Variants in KIAA1549L observed in about 807,000 individuals in gnomAD.
KIAA1549L encodes KIAA1549 like.
Under a neutral mutation model 160.7 loss-of-function variants are expected in KIAA1549L, and 88 were observed. The ratio of observed to expected loss-of-function variants is 0.55; its 90% CI spans 0.46 to 0.65. KIAA1549L has a LOEUF of 0.65. KIAA1549L is among the 30% of genes least tolerant of loss of function. The pLI is 0.00. For missense variants in KIAA1549L, 2,258 were observed against 2,437.5 expected, an observed-to-expected ratio of 0.93 and a Z score of 1.55; for synonymous variants, 950 against 976.7, an observed-to-expected ratio of 0.97 and a Z score of 0.51.
At chr11:33,574,609 G>A in intron 9 of KIAA1549L, 93 bp from the exon 10 acceptor site, 1 of 1,226,360 alleles carries the variant, frequency 8.2e-7, no homozygotes. Flanking sequence ...GAAGTCTTCA[G>A]CAGTCAGGAG....
At chr11:33,509,303 G>A (rs568297367) in intron 1 of KIAA1549L, among the ~76,000 whole-genome samples, 1 of 152,218 alleles carries the variant, frequency 6.6e-6, no homozygotes, top group African/African-American at 2.4e-5. Context: ...TTTAATTTGT[G>A]CATTTTACCT....
intron 13 of KIAA1549L, among the ~76,000 whole-genome samples, chr11:33,600,825 C>T (rs766320069): frequency 6.6e-6 from 1 of 152,092 alleles, no homozygotes; most frequent in Non-Finnish European, 1.5e-5. Context: ...TTAAACTGTG[C>T]CATACAAAGC....
At chr11:33,384,508 C>T (rs1030894434) in intron 1 of KIAA1549L, among the ~76,000 whole-genome samples, 3 of 152,166 alleles carry the variant, frequency 2.0e-5, no homozygotes, top group African/African-American at 7.2e-5. Flanking sequence ...TTATAAGAAA[C>T]TGCCAAACTG....
chr11:33,409,526 G>A (rs1316508995), intron 1 of KIAA1549L, among the ~76,000 whole-genome samples: 5 of 152,128 alleles, frequency 3.3e-5, no homozygotes. Flanking sequence ...AGGCTTTAAT[G>A]TCACACACTG....
At chr11:33,534,486 T>G (rs543006757) in intron 1 of KIAA1549L, among the ~76,000 whole-genome samples, 6 of 152,224 alleles carry the variant, frequency 3.9e-5, no homozygotes, top group East Asian at 1.9e-4. Context: ...CATGGTTTTT[T>G]GGGGGAAAGG....
At chr11:33,394,566 C>T (rs192931435) in intron 1 of KIAA1549L, among the ~76,000 whole-genome samples, 1 of 152,256 alleles carries the variant, frequency 6.6e-6, no homozygotes, top group African/African-American at 2.4e-5. Context: ...TTCTGGATGG[C>T]CACACTTGGC....
At chr11:33,480,117 C>G (rs918305096) in intron 1 of KIAA1549L, among the ~76,000 whole-genome samples, 1 of 152,106 alleles carries the variant, frequency 6.6e-6, no homozygotes, top group African/African-American at 2.4e-5. Context: ...CAATACAGCT[C>G]ACCCGTTTAA....
At chr11:33,458,587 C>T (rs1851877104) in intron 1 of KIAA1549L, among the ~76,000 whole-genome samples, 1 of 152,198 alleles carries the variant, frequency 6.6e-6, no homozygotes, top group Non-Finnish European at 1.5e-5. Context: ...CAAAGCTGGC[C>T]TGTCTTACAG....
intron 8 of KIAA1549L, among the ~76,000 whole-genome samples, chr11:33,567,197 G>A (rs1310562574): frequency 2.0e-5 from 3 of 152,214 alleles, no homozygotes; most frequent in Non-Finnish European, 4.4e-5. Flanking sequence ...AAGCCTAGCG[G>A]TGGAAAAAGG....
At chr11:33,570,150 C>T (rs955246108) in intron 9 of KIAA1549L, among the ~76,000 whole-genome samples, 3 of 151,944 alleles carry the variant, frequency 2.0e-5, no homozygotes, top group Non-Finnish European at 4.4e-5. Context: ...ATTACAGGTG[C>T]GCACTGCCAT....
chr11:33,649,595 A>G (rs935291129), intron 17 of KIAA1549L, among the ~76,000 whole-genome samples: 3 of 151,282 alleles, frequency 2.0e-5, no homozygotes, highest in Non-Finnish European at 4.4e-5. Context: ...CTAGTAAGGG[A>G]GGCATCTCCA....
At chr11:33,569,988 TTCTCTC>T (rs778733363) in intron 9 of KIAA1549L, among the ~76,000 whole-genome samples, 1 of 140,452 alleles carries the variant, frequency 7.1e-6, no homozygotes, top group African/African-American at 2.6e-5. Context: ...GAGGTGTTCT[TTCTCTC>T]TCTCTCTCTC....
chr11:33,522,567 C>T (rs1215845832), intron 1 of KIAA1549L, among the ~76,000 whole-genome samples: 2 of 152,088 alleles, frequency 1.3e-5, no homozygotes, highest in African/African-American at 4.8e-5. Flanking sequence ...CTGATATTAA[C>T]ATCTTACCTA....
chr11:33,659,469 C>G (rs1852188202), intron 19 of KIAA1549L, among the ~76,000 whole-genome samples: 1 of 152,122 alleles, frequency 6.6e-6, no homozygotes, highest in Admixed American at 6.6e-5. Context: ...CTATGATAAG[C>G]CACAGTTTAG....
chr11:33,575,996 G>A (rs1855435336), intron 10 of KIAA1549L, among the ~76,000 whole-genome samples: 1 of 152,178 alleles, frequency 6.6e-6, no homozygotes, highest in African/African-American at 2.4e-5. Flanking sequence ...GGAGCAGACA[G>A]GAAGTGGCAG....
At chr11:33,430,004 G>GGCCT (rs1851197329) in intron 1 of KIAA1549L, among the ~76,000 whole-genome samples, 1 of 98,216 alleles carries the variant, frequency 1.0e-5, no homozygotes, top group Admixed American at 9.7e-5. Flanking sequence ...GCTCTGCTCT[G>GGCCT]CCCTCCCTTC....
intron 16 of KIAA1549L, among the ~76,000 whole-genome samples, chr11:33,638,433 AAAAT>A (rs1554927327): frequency 3.5e-4 from 13 of 37,630 alleles, no homozygotes; most frequent in Non-Finnish European, 3.7e-4. Flanking sequence ...AAAAAAAAAA[AAAAT>A]AAATAAATAA....
chr11:33,564,470 G>C (rs1413335403), intron 8 of KIAA1549L, among the ~76,000 whole-genome samples: 1 of 152,244 alleles, frequency 6.6e-6, no homozygotes, highest in Admixed American at 6.5e-5. Context: ...GTCCCTTCTT[G>C]ATGGAAAATC....
At chr11:33,662,251 T>A (rs1297778127) in intron 20 of KIAA1549L, among the ~76,000 whole-genome samples, 1 of 152,228 alleles carries the variant, frequency 6.6e-6, no homozygotes, top group East Asian at 1.9e-4. Flanking sequence ...TTGCTTCTAG[T>A]GGCCACTCAA....
Sources: gnomAD v4.1 joint callset for allele counts (sites outside exome capture counted in the v4.1 genomes callset) on GRCh38, gnomAD v4.1.1 for gene constraint, MANE v1.5 for transcripts, NCBI Gene and HGNC (gene_info 2026-07-23, HGNC 2026-07-21) for gene names.